Variants in PITPNA observed in about 807,000 individuals in gnomAD.
The protein encoded by PITPNA is phosphatidylinositol transfer protein alpha, also known as phosphatidylinositol transfer protein alpha isoform.
A neutral mutation model predicts 50.3 loss-of-function variants in PITPNA; 13 were observed. That is an observed-to-expected ratio of 0.26 (90% CI 0.17 to 0.41). The LOEUF is 0.41. PITPNA is among the 10% of genes least tolerant of loss of function. The probability of loss-of-function intolerance (pLI) is 1.00; values close to 1 mark genes in which losing one functional copy is unlikely to be tolerated. For synonymous variants in PITPNA, 120 were observed against 119.6 expected (o/e 1.00, Z -0.02); for missense variants, 207 against 333.4 (o/e 0.62, Z 2.95).
intron 11 of PITPNA, among the ~76,000 whole-genome samples, chr17:1,520,761 G>C (rs1390887547): frequency 6.6e-6 from 1 of 152,170 alleles, no homozygotes; most frequent in Non-Finnish European, 1.5e-5. Flanking sequence ...GGGAACATGG[G>C]GCAGGGAGAG....
intron 10 of PITPNA, among the ~76,000 whole-genome samples, chr17:1,527,388 C>T (rs1260087051): frequency 6.6e-6 from 1 of 152,064 alleles, no homozygotes; most frequent in African/African-American, 2.4e-5. Flanking sequence ...GGATTGCAGG[C>T]GTGCACCACC....
chr17:1,531,829 A>G (rs1314062924), intron 10 of PITPNA, among the ~76,000 whole-genome samples: 2 of 152,168 alleles, frequency 1.3e-5, no homozygotes, highest in African/African-American at 4.8e-5. Flanking sequence ...AACTTTGATG[A>G]AACATATATT....
At position 1,519,131 on chromosome 17, in the gene PITPNA, A is replaced by G. The variant is rs1395937274; in HGVS notation, c.*1430T>C. ...TTGCACTTAGAAATGAGTAAGGCAA[A>G]CAAACTGACAAAAACAGGATACATT... is the stretch of plus-strand genomic sequence containing the variant. On this transcript the variant is annotated 3_prime_UTR_variant, in exon 12 of 12. Coordinates refer to ENST00000313486, the MANE Select transcript of PITPNA (RefSeq NM_006224.4). 1.3e-5 allele frequency: 2 copies of G among 152,588 alleles called. No individual in the cohort carries two copies. The highest frequency in any genetic ancestry group is 3.8e-4 in the East Asian group (2 of 5,202). The allele number at this position is 152,588 out of a possible 1,614,324, so 9.5% of individuals were successfully genotyped here. A position where few individuals can be genotyped will look rare whatever the true frequency, so the allele number is the denominator to read the frequency against.
At chr17:1,531,576 G>A (rs2075583856) in intron 10 of PITPNA, among the ~76,000 whole-genome samples, 1 of 151,846 alleles carries the variant, frequency 6.6e-6, no homozygotes, top group Admixed American at 6.6e-5. Flanking sequence ...TTTTGAGCCT[G>A]GGAGTTTGAG....
At chr17:1,556,542 G>C (rs1011619713) in intron 2 of PITPNA, among the ~76,000 whole-genome samples, 1 of 152,040 alleles carries the variant, frequency 6.6e-6, no homozygotes, top group African/African-American at 2.4e-5. Context: ...GGCCCTCCTT[G>C]GTCTGCAGCA....
At chr17:1,528,374 C>G (rs1304556525) in intron 10 of PITPNA, among the ~76,000 whole-genome samples, 1 of 152,156 alleles carries the variant, frequency 6.6e-6, no homozygotes, top group Non-Finnish European at 1.5e-5. Flanking sequence ...CTTCTGACCT[C>G]AGGTGATCAG....
At chr17:1,521,494 T>C in intron 11 of PITPNA, 85 bp downstream of exon 11, 2 of 890,506 alleles carry the variant, frequency 2.2e-6, no homozygotes, top group Non-Finnish European at 3.8e-6. Context: ...ATAGGTTTTC[T>C]GACTCCATAG....
chr17:1,525,813 T>C (rs1263653943), intron 10 of PITPNA, among the ~76,000 whole-genome samples: 1 of 152,206 alleles, frequency 6.6e-6, no homozygotes, highest in Non-Finnish European at 1.5e-5. Flanking sequence ...CCATCACGCA[T>C]GGCCAGCTTG....
chr17:1,545,633 G>A (rs374926588), intron 4 of PITPNA, among the ~76,000 whole-genome samples: 7 of 152,186 alleles, frequency 4.6e-5, no homozygotes, highest in East Asian at 1.9e-4. Flanking sequence ...ATTGGTTAGC[G>A]CATGGTGCTG....
At chr17:1,560,286 A>C (rs1427517832) in intron 1 of PITPNA, among the ~76,000 whole-genome samples, 1 of 152,208 alleles carries the variant, frequency 6.6e-6, no homozygotes, top group African/African-American at 2.4e-5. Context: ...AGGGCCACAG[A>C]GGAACTGCCG....
intron 10 of PITPNA, among the ~76,000 whole-genome samples, chr17:1,524,735 G>C (rs959385425): frequency 6.6e-6 from 1 of 151,878 alleles, no homozygotes; most frequent in Non-Finnish European, 1.5e-5. Flanking sequence ...TGTAATCCCA[G>C]CTACTTGGGA....
intron 7 of PITPNA, among the ~76,000 whole-genome samples, chr17:1,538,171 A>G (rs78710569): frequency 0.044 from 6,749 of 152,278 alleles, 519 homozygotes; most frequent in African/African-American, 0.15. Context: ...GAGCAAACAC[A>G]CATTCCCTAT....
In PITPNA at chr17:1,525,309, C is replaced by G. The variant is rs550973296; in HGVS notation, c.769-3664G>C. On this transcript the variant is annotated intron_variant, in intron 10 of 11. Coordinates refer to ENST00000313486, the MANE Select transcript of PITPNA (RefSeq NM_006224.4). The stretch of plus-strand genomic sequence containing the variant: ...GGCCAATAAAAAATTATTTGAGACC[C>G]TGTTTCAAATGTTGTTTATTTTATT... 2.6e-5 allele frequency among the ~76,000 whole-genome samples: 4 copies of G among 152,102 alleles called. 1 individual carries two copies. In the South Asian group the frequency reaches 8.3e-4, roughly 32 times the overall value.
chr17:1,527,367 C>A (rs921795414), intron 10 of PITPNA, among the ~76,000 whole-genome samples: 2 of 152,136 alleles, frequency 1.3e-5, no homozygotes, highest in Non-Finnish European at 2.9e-5. Context: ...CCTCAGCCTC[C>A]CGAGTAGCTG....
At chr17:1,549,422 T>A (rs950938303) in intron 3 of PITPNA, among the ~76,000 whole-genome samples, 1 of 151,216 alleles carries the variant, frequency 6.6e-6, no homozygotes. Flanking sequence ...GTTCAAGAGA[T>A]TCTCCTGCCT....
chr17:1,535,334 G>C (rs1267891326), intron 8 of PITPNA, 42 bp from the exon 9 acceptor site: 2 of 1,525,396 alleles, frequency 1.3e-6, no homozygotes, highest in Admixed American at 3.3e-5. Flanking sequence ...GTAACAACGG[G>C]CAGACCTCAG....
At chr17:1,531,674 AAAG>A (rs1051009115) in intron 10 of PITPNA, among the ~76,000 whole-genome samples, 4 of 152,116 alleles carry the variant, frequency 2.6e-5, no homozygotes, top group Non-Finnish European at 4.4e-5. Flanking sequence ...TAAAAAAAAA[AAAG>A]AACTACTAAG....
At chr17:1,549,204 T>C (rs112779593) in intron 3 of PITPNA, among the ~76,000 whole-genome samples, 15,382 of 148,950 alleles carry the variant, frequency 0.1, 902 homozygotes, top group East Asian at 0.15. Flanking sequence ...CCGCGCCCGG[T>C]CTCTTCTACT....
chr17:1,542,982 A>C, intron 5 of PITPNA, 38 bp downstream of exon 5: 1 of 1,524,202 alleles, frequency 6.6e-7, no homozygotes, highest in East Asian at 2.3e-5. Context: ...CTGTTCTTAT[A>C]CATCATCTAC....
Sources: gnomAD v4.1 joint callset for allele counts (sites outside exome capture counted in the v4.1 genomes callset) on GRCh38, gnomAD v4.1.1 for gene constraint, MANE v1.5 for transcripts, NCBI Gene and HGNC (gene_info 2026-07-23, HGNC 2026-07-21) for gene names.